DLG2: variants seen among roughly 807,000 people sequenced by gnomAD.
DLG2 encodes the protein discs large MAGUK scaffold protein 2.
In DLG2, 45 loss-of-function variants were observed where a neutral mutation model predicts 132.5. The ratio of observed to expected loss-of-function variants is 0.34; its 90% CI spans 0.27 to 0.44. The LOEUF (loss-of-function observed/expected upper bound fraction) is 0.44. Among genes scored for constraint, DLG2 ranks in the 20% least tolerant of loss-of-function variants. The pLI, the probability that DLG2 is intolerant of heterozygous loss-of-function variation, is 1.00. For synonymous variants in DLG2, 424 were observed against 419.6 expected (o/e 1.01, Z -0.13); for missense variants, 1,045 against 1,196.9 (o/e 0.87, Z 1.87).
chr11:84,732,908 G>A (rs1216736940), intron 6 of DLG2, among the ~76,000 whole-genome samples: 1 of 150,518 alleles, frequency 6.6e-6, no homozygotes, highest in Admixed American at 6.7e-5. Flanking sequence ...TTTTGTCCTT[G>A]CGATAGTTTG....
intron 6 of DLG2, among the ~76,000 whole-genome samples, chr11:84,636,096 T>C (rs1199046033): frequency 6.6e-6 from 1 of 152,186 alleles, no homozygotes; most frequent in African/African-American, 2.4e-5. Context: ...AAATTTCCCT[T>C]TCTTCCCTTT....
chr11:83,909,279 A>G (rs1265166880), intron 15 of DLG2, among the ~76,000 whole-genome samples: 2 of 152,172 alleles, frequency 1.3e-5, no homozygotes, highest in Non-Finnish European at 2.9e-5. Context: ...CCATCTGTAC[A>G]TTATACACTG....
intron 11 of DLG2, among the ~76,000 whole-genome samples, chr11:84,018,077 G>C (rs1233697000): frequency 6.6e-6 from 1 of 151,852 alleles, no homozygotes; most frequent in African/African-American, 2.4e-5. Context: ...GGATCTGTAT[G>C]TTAACGTTTT....
At chr11:85,209,964 G>A (rs2082153942) in intron 4 of DLG2, among the ~76,000 whole-genome samples, 1 of 151,768 alleles carries the variant, frequency 6.6e-6, no homozygotes, top group African/African-American at 2.4e-5. Context: ...TAACTGCCTA[G>A]TTTGAGCTCT....
intron 9 of DLG2, among the ~76,000 whole-genome samples, chr11:84,123,340 C>G (rs913826163): frequency 5.3e-5 from 8 of 152,168 alleles, no homozygotes; most frequent in African/African-American, 1.9e-4. Flanking sequence ...GTTATCAGAT[C>G]TTGGTATAAG....
At chr11:85,147,948 C>T (rs1268867450) in intron 5 of DLG2, among the ~76,000 whole-genome samples, 2 of 151,986 alleles carry the variant, frequency 1.3e-5, no homozygotes, top group Non-Finnish European at 2.9e-5. Context: ...ATTCCCCACA[C>T]TGTGTCCATG....
chr11:85,559,197 G>A, intron 3 of DLG2, among the ~76,000 whole-genome samples: 1 of 150,102 alleles, frequency 6.7e-6, no homozygotes, highest in East Asian at 1.9e-4. Flanking sequence ...TGTCACCCAG[G>A]CTGGAGTGCA....
At chr11:84,581,411 A>T (rs2099515965) in intron 6 of DLG2, among the ~76,000 whole-genome samples, 1 of 152,154 alleles carries the variant, frequency 6.6e-6, no homozygotes, top group Admixed American at 6.5e-5. Context: ...CATTACGACT[A>T]TATATACAGA....
intron 17 of DLG2, among the ~76,000 whole-genome samples, chr11:83,812,766 C>G (rs1046729910): frequency 6.6e-6 from 1 of 152,100 alleles, no homozygotes; most frequent in African/African-American, 2.4e-5. Context: ...ACACTAGACC[C>G]CTAGGTACCA....
intron 6 of DLG2, among the ~76,000 whole-genome samples, chr11:85,104,217 C>G (rs1041321564): frequency 6.6e-6 from 1 of 151,652 alleles, no homozygotes; most frequent in Non-Finnish European, 1.5e-5. Flanking sequence ...AGGCATATAC[C>G]CAAGAGAATT....
chr11:84,294,888 C>T (rs2098067279), intron 7 of DLG2, among the ~76,000 whole-genome samples: 1 of 151,862 alleles, frequency 6.6e-6, no homozygotes, highest in South Asian at 2.1e-4. Context: ...GACACATTTA[C>T]CCCAATAAAA....
At chr11:85,097,315 G>A (rs943732805) in intron 6 of DLG2, among the ~76,000 whole-genome samples, 12 of 152,036 alleles carry the variant, frequency 7.9e-5, no homozygotes, top group African/African-American at 2.9e-4. Context: ...GTCAGGCAGG[G>A]GACTATCTGG....
At chr11:84,454,921 A>T (rs1264815032) in intron 7 of DLG2, among the ~76,000 whole-genome samples, 1 of 151,440 alleles carries the variant, frequency 6.6e-6, no homozygotes, top group Non-Finnish European at 1.5e-5. Context: ...TGATGATTTT[A>T]CAGGTGTAGA....
intron 6 of DLG2, among the ~76,000 whole-genome samples, chr11:85,027,438 C>T (rs542957507): frequency 7.2e-5 from 11 of 152,250 alleles, no homozygotes; most frequent in Non-Finnish European, 1.3e-4. Flanking sequence ...CAGGCAGCGC[C>T]TTCTGCCTGA....
intron 3 of DLG2, among the ~76,000 whole-genome samples, chr11:85,422,735 C>A (rs2090419275): frequency 6.6e-6 from 1 of 152,102 alleles, no homozygotes; most frequent in Admixed American, 6.6e-5. Flanking sequence ...AAGTGATCTG[C>A]TCATCTCAGC....
chr11:83,829,935 G>A (rs577340446), intron 17 of DLG2, among the ~76,000 whole-genome samples: 16 of 151,974 alleles, frequency 1.1e-4, no homozygotes, highest in Non-Finnish European at 1.6e-4. Context: ...TGTGATGTTC[G>A]CCATCCTGTG....
chr11:84,034,822 G>A (rs2039681631), intron 11 of DLG2, among the ~76,000 whole-genome samples: 1 of 152,216 alleles, frequency 6.6e-6, no homozygotes, highest in African/African-American at 2.4e-5. Context: ...GGAATTGAGT[G>A]TGGATGAAGT....
chr11:85,058,041 A>C (rs2063641875), intron 6 of DLG2, among the ~76,000 whole-genome samples: 1 of 151,438 alleles, frequency 6.6e-6, no homozygotes, highest in African/African-American at 2.4e-5. Flanking sequence ...TGTCTATTCA[A>C]TACAATACTG....
chr11:84,326,185 A>T (rs555931379), intron 7 of DLG2, among the ~76,000 whole-genome samples: 1 of 152,118 alleles, frequency 6.6e-6, no homozygotes, highest in Non-Finnish European at 1.5e-5. Flanking sequence ...GTTTTAAAAT[A>T]TGTAACTCTT....
Sources: allele counts gnomAD v4.1 joint callset (sites outside exome capture counted in the v4.1 genomes callset), GRCh38; gene constraint gnomAD v4.1.1; transcripts MANE v1.5; gene names NCBI Gene and HGNC (gene_info 2026-07-23, HGNC 2026-07-21).